The following ZGPAT variants were observed in gnomAD, a reference collection of about 807,000 sequenced individuals.
The protein encoded by ZGPAT is zinc finger CCCH-type with G patch domain-containing protein.
ZGPAT carries 39 observed loss-of-function variants against 47.9 expected under a neutral mutation model. The ratio of observed to expected loss-of-function variants is 0.81; its 90% CI spans 0.63 to 1.06. The LOEUF (loss-of-function observed/expected upper bound fraction) is 1.06, where lower values mean the gene tolerates loss of function less well. Ranked by LOEUF, ZGPAT falls within the 50% of genes least tolerant of loss-of-function variation. ZGPAT has a pLI of 0.00. For synonymous variants in ZGPAT, 348 were observed against 292.9 expected (o/e 1.19, Z -1.92); for missense variants, 717 against 681.4 (o/e 1.05, Z -0.58).
intron 2 of ZGPAT, among the ~76,000 whole-genome samples, chr20:63,732,648 TA>T (rs1299919818): frequency 1.6e-3 from 29 of 17,686 alleles, no homozygotes; most frequent in East Asian, 0.015. Context: ...GTACATGTGT[TA>T]ATGTGTGTGT....
intron 2 of ZGPAT, among the ~76,000 whole-genome samples, chr20:63,720,634 T>G (rs779968687): frequency 4.6e-5 from 7 of 151,972 alleles, no homozygotes; most frequent in Non-Finnish European, 1.0e-4. Context: ...TTGTTACTGT[T>G]TTAGACACAG....
At chr20:63,719,077 A>AG (rs1197935469) in intron 2 of ZGPAT, among the ~76,000 whole-genome samples, 2 of 151,640 alleles carry the variant, frequency 1.3e-5, no homozygotes, top group African/African-American at 4.8e-5. Flanking sequence ...AAAAAAAAAA[A>AG]AAATGTCATC....
At chr20:63,728,330 A>G (rs1185807437) in intron 2 of ZGPAT, among the ~76,000 whole-genome samples, 1 of 152,004 alleles carries the variant, frequency 6.6e-6, no homozygotes, top group African/African-American at 2.4e-5. Flanking sequence ...GCCACCACGC[A>G]CGGCCTTAAA....
intron 2 of ZGPAT, among the ~76,000 whole-genome samples, chr20:63,726,925 C>G (rs2091851284): frequency 6.6e-6 from 1 of 152,262 alleles, no homozygotes; most frequent in East Asian, 1.9e-4. Flanking sequence ...ATGCAACAGC[C>G]CCTCCCCACA....
intron 2 of ZGPAT, among the ~76,000 whole-genome samples, chr20:63,715,983 A>C (rs918568801): frequency 6.6e-6 from 1 of 152,162 alleles, no homozygotes; most frequent in African/African-American, 2.4e-5. Flanking sequence ...CTTTCATTGG[A>C]AGTTTTTTGA....
chr20:63,734,958 C>G (rs1282658739), intron 5 of ZGPAT, 134 bp downstream of exon 5: 40 of 1,353,952 alleles, frequency 3.0e-5, no homozygotes, highest in Non-Finnish European at 3.8e-5. Flanking sequence ...CATCCCCGTG[C>G]TCCTCAGATT....
rs1394780330 is a variant in ZGPAT, at chr20:63,734,237, G to A, written c.872-468G>A. Reference sequence around the variant, plus strand: ...GCGTGTGTGTGTATATATGTGGGAGGTCACCTGACCCAAGCATGGCGGGCT... The same window carrying A: ...GCGTGTGTGTGTATATATGTGGGAGATCACCTGACCCAAGCATGGCGGGCT... On this transcript the variant is annotated intron_variant, in intron 4 of 6. Transcript: ENST00000355969. 7 of 244,644 alleles carry A rather than the reference G, an allele frequency of 2.9e-5. No individual in the cohort carries two copies. In the East Asian group the frequency reaches 4.2e-4, roughly 15 times the overall value. The allele number at this position is 244,644 out of a possible 1,614,324, so 15.2% of individuals were successfully genotyped here. A position where few individuals can be genotyped will look rare whatever the true frequency, so the allele number is the denominator to read the frequency against.
At position 63,733,648 on chromosome 20, in the gene ZGPAT, G is replaced by A; in HGVS notation, c.780G>A (p.Val260=). ...FDSLLLREAV[V]EGDGILPPLR... ...CGCTGCTGCTGAGGGAGGCCGTGGT[G>A]GAGGGGGACGGCATCCTGCCCCCAC... is the stretch of plus-strand genomic sequence containing the variant. The change falls in exon 4 of 7, where the codon GTG becomes GTA. Residue 260 remains valine (V), a synonymous_variant. Coordinates refer to ENST00000355969, the MANE Select transcript of ZGPAT (RefSeq NM_181485.3). 1.2e-6 allele frequency: 2 copies of A among 1,614,034 alleles called. No homozygotes were observed. The highest frequency in any genetic ancestry group is 1.7e-6 in the Non-Finnish European group (2 of 1,180,044).
chr20:63,732,702 A>G (rs950879642), intron 2 of ZGPAT, among the ~76,000 whole-genome samples: 2 of 150,574 alleles, frequency 1.3e-5, no homozygotes, highest in South Asian at 2.1e-4. Flanking sequence ...GCATGTGTAT[A>G]CATGTGTACT....
chr20:63,715,313 C>T (rs1165764174), intron 2 of ZGPAT, among the ~76,000 whole-genome samples: 1 of 149,526 alleles, frequency 6.7e-6, no homozygotes, highest in Non-Finnish European at 1.5e-5. Context: ...GATCTCGGCT[C>T]ACTGCAACCT....
In ZGPAT at chr20:63,709,099, T is replaced by G. The variant is rs200470955; in HGVS notation, c.519T>G (p.Thr173=). 6.2e-7 allele frequency: 1 copy of G among 1,613,146 alleles called. No individual in the cohort carries two copies. Among genetic ancestry groups the G allele is most frequent in the East Asian group, 2.2e-5 (1 of 44,866 alleles). Residue 173 remains threonine, a synonymous_variant, in exon 2 of 7, where the codon ACT becomes ACG. Transcript: ENST00000355969. ...AGVRVLYLYP[T]HKSLKPCPFF... is the part of the protein sequence containing the mutation. ...TCCGTGTGCTTTACCTGTACCCCAC[T>G]CACAAGTCTCTGAAGCCGTGCCCGT...
intron 2 of ZGPAT, among the ~76,000 whole-genome samples, chr20:63,710,941 C>T (rs1176512168): frequency 6.6e-6 from 1 of 151,948 alleles, no homozygotes; most frequent in Non-Finnish European, 1.5e-5. Context: ...ACCAAGCCTT[C>T]TAGTAGGTAA....
chr20:63,723,702 A>G (rs1393225648), intron 2 of ZGPAT, among the ~76,000 whole-genome samples: 2 of 152,144 alleles, frequency 1.3e-5, no homozygotes, highest in African/African-American at 4.8e-5. Flanking sequence ...TCCTTCATGT[A>G]TTATTGCCAT....
chr20:63,730,535 A>T (rs2091886840), intron 2 of ZGPAT, among the ~76,000 whole-genome samples: 1 of 152,102 alleles, frequency 6.6e-6, no homozygotes, highest in South Asian at 2.1e-4. Context: ...TCCAGGCTGG[A>T]GTGCAGTGAC....
chr20:63,718,356 G>C (rs1358581494), intron 2 of ZGPAT, among the ~76,000 whole-genome samples: 1 of 150,964 alleles, frequency 6.6e-6, no homozygotes, highest in East Asian at 2.0e-4. Context: ...TTTGAGAAAG[G>C]GTCTTGCTCT....
chr20:63,724,655 TGAA>T (rs1187701610), intron 2 of ZGPAT, among the ~76,000 whole-genome samples: 1 of 150,208 alleles, frequency 6.7e-6, no homozygotes, highest in Non-Finnish European at 1.5e-5. Context: ...CCTTTTAGTC[TGAA>T]GAACTTCATT....
chr20:63,731,712 T>C (rs1007982486), intron 2 of ZGPAT, among the ~76,000 whole-genome samples: 1 of 141,544 alleles, frequency 7.1e-6, no homozygotes, highest in Non-Finnish European at 1.5e-5. Context: ...CCTTTGTGTG[T>C]GTGAGATTGT....
intron 1 of ZGPAT, 75 bp from the exon 2 acceptor site, chr20:63,708,478 C>T (rs1189669556): frequency 6.5e-6 from 6 of 919,446 alleles, no homozygotes; most frequent in Non-Finnish European, 7.9e-6. Context: ...AGGGGACGTG[C>T]CCGTGCCCGT....
At chr20:63,721,037 T>C (rs6062506) in intron 2 of ZGPAT, among the ~76,000 whole-genome samples, 1 of 151,926 alleles carries the variant, frequency 6.6e-6, no homozygotes, top group Non-Finnish European at 1.5e-5. Flanking sequence ...GAAAGAGATT[T>C]CTTTAAATAT....
Sources: gnomAD v4.1 joint callset for allele counts (sites outside exome capture counted in the v4.1 genomes callset) on GRCh38, gnomAD v4.1.1 for gene constraint, MANE v1.5 for transcripts, NCBI Gene and HGNC (gene_info 2026-07-23, HGNC 2026-07-21) for gene names.